KLHL1: variants seen among roughly 807,000 people sequenced by gnomAD.
KLHL1 encodes the protein kelch-like protein 1.
KLHL1 carries 47 observed loss-of-function variants against 77.7 expected under a neutral mutation model. That is an observed-to-expected ratio of 0.60 (90% confidence interval 0.48 to 0.77). KLHL1 has a LOEUF of 0.77. Ranked by LOEUF, KLHL1 falls within the 30% of genes least tolerant of loss-of-function variation. KLHL1 has a pLI of 0.00. For synonymous variants in KLHL1, 360 were observed against 325.2 expected (o/e 1.11, Z -1.15); for missense variants, 925 against 910.8 (o/e 1.02, Z -0.20).
At chr13:69,929,548 C>T (rs1191306849) in intron 4 of KLHL1, among the ~76,000 whole-genome samples, 1 of 151,728 alleles carries the variant, frequency 6.6e-6, no homozygotes, top group Non-Finnish European at 1.5e-5. Flanking sequence ...ACTTGGATTA[C>T]TTATGCCAAG....
chr13:69,873,716 C>A (rs1880666673), intron 5 of KLHL1, among the ~76,000 whole-genome samples: 1 of 152,104 alleles, frequency 6.6e-6, no homozygotes, highest in African/African-American at 2.4e-5. Context: ...ACCTATGTAA[C>A]AAACCTGCAC....
At chr13:70,039,461 T>C (rs760261678) in intron 1 of KLHL1, among the ~76,000 whole-genome samples, 1 of 152,098 alleles carries the variant, frequency 6.6e-6, no homozygotes, top group African/African-American at 2.4e-5. Flanking sequence ...GCATAAATAA[T>C]TTTTTGGCCA....
At chr13:69,926,180 C>T (rs1246516811) in intron 4 of KLHL1, among the ~76,000 whole-genome samples, 2 of 152,242 alleles carry the variant, frequency 1.3e-5, no homozygotes, top group East Asian at 3.9e-4. Flanking sequence ...CTCAAACATC[C>T]TGCAACATGT....
chr13:69,900,306 C>A (rs183477801), intron 4 of KLHL1, among the ~76,000 whole-genome samples: 25 of 152,254 alleles, frequency 1.6e-4, no homozygotes, highest in African/African-American at 5.3e-4. Flanking sequence ...CACCATATAG[C>A]TCATGAAACT....
intron 1 of KLHL1, among the ~76,000 whole-genome samples, chr13:70,073,885 G>C (rs1273971568): frequency 6.6e-6 from 1 of 151,864 alleles, no homozygotes; most frequent in East Asian, 1.9e-4. Context: ...GAGGGCAGTG[G>C]TGTGATCTTG....
intron 1 of KLHL1, among the ~76,000 whole-genome samples, chr13:70,054,352 T>A (rs1021009307): frequency 7.9e-5 from 12 of 152,126 alleles, no homozygotes; most frequent in Non-Finnish European, 1.8e-4. Flanking sequence ...GATACAAGTG[T>A]CCAGTATACA....
At chr13:70,018,397 C>T (rs1355673465) in intron 1 of KLHL1, among the ~76,000 whole-genome samples, 2 of 152,132 alleles carry the variant, frequency 1.3e-5, no homozygotes, top group African/African-American at 4.8e-5. Flanking sequence ...CCACCCTTGC[C>T]CTTAGAGTTA....
At chr13:69,737,207 C>T (rs1019932182) in intron 8 of KLHL1, among the ~76,000 whole-genome samples, 2 of 152,198 alleles carry the variant, frequency 1.3e-5, no homozygotes, top group Non-Finnish European at 2.9e-5. Context: ...CCTCATGAGC[C>T]CATACCACCA....
chr13:70,022,621 T>G (rs1443420040), intron 1 of KLHL1, among the ~76,000 whole-genome samples: 1 of 151,950 alleles, frequency 6.6e-6, no homozygotes, highest in Admixed American at 6.6e-5. Context: ...TACATGATTT[T>G]ATAGGTATAA....
chr13:70,103,970 T>C (rs190181130), intron 1 of KLHL1, among the ~76,000 whole-genome samples: 70 of 152,214 alleles, frequency 4.6e-4, no homozygotes, highest in African/African-American at 1.7e-3. Context: ...AACCATGGGA[T>C]AAAATGACTG....
chr13:69,722,921 T>A (rs74645440), intron 8 of KLHL1, among the ~76,000 whole-genome samples: 2,567 of 152,148 alleles, frequency 0.017, 72 homozygotes, highest in African/African-American at 0.058. Flanking sequence ...ATCAACTAAA[T>A]GCTCAACAAT....
intron 1 of KLHL1, among the ~76,000 whole-genome samples, chr13:69,996,356 T>G (rs1593660765): frequency 6.6e-6 from 1 of 151,954 alleles, no homozygotes; most frequent in Non-Finnish European, 1.5e-5. Flanking sequence ...AGAGTAGAGA[T>G]TCCATTATAT....
At chr13:69,821,843 C>G (rs1360448153) in intron 6 of KLHL1, among the ~76,000 whole-genome samples, 1 of 151,942 alleles carries the variant, frequency 6.6e-6, no homozygotes, top group Non-Finnish European at 1.5e-5. Flanking sequence ...GCTTATGGCC[C>G]CATTAATAGA....
chr13:69,794,576 G>A (rs761038685), intron 7 of KLHL1, among the ~76,000 whole-genome samples: 3 of 149,618 alleles, frequency 2.0e-5, no homozygotes, highest in Non-Finnish European at 4.5e-5. Context: ...AAAAAAAAGA[G>A]CTGGGGGAAG....
intron 4 of KLHL1, among the ~76,000 whole-genome samples, chr13:69,902,511 A>G (rs1168996263): frequency 1.3e-5 from 2 of 152,194 alleles, no homozygotes; most frequent in East Asian, 3.9e-4. Context: ...GAACTACAGT[A>G]CTGAAAGAGA....
In KLHL1 at chr13:69,979,087, A is replaced by T. The variant is rs1415517763; in HGVS notation, c.498-3285T>A. On this transcript the variant is annotated intron_variant, in intron 1 of 10. Transcript: ENST00000377844. ...TAGTTAAAATAATCTCAAATATAAT[A>T]CAGACTTGGACTTTTTCTGACAAAT... Among the ~76,000 whole-genome samples, 3 of 151,944 alleles carry T rather than the reference A, an allele frequency of 2.0e-5. No homozygotes were observed. In the South Asian group the frequency reaches 6.2e-4, roughly 31 times the overall value.
intron 1 of KLHL1, among the ~76,000 whole-genome samples, chr13:70,031,050 G>A (rs948293840): frequency 6.6e-6 from 1 of 152,146 alleles, no homozygotes; most frequent in African/African-American, 2.4e-5. Flanking sequence ...CCAGGAAGAA[G>A]TTGAATCCCT....
chr13:69,837,625 T>C (rs940196698), intron 6 of KLHL1, among the ~76,000 whole-genome samples: 2 of 139,396 alleles, frequency 1.4e-5, no homozygotes, highest in Admixed American at 7.1e-5. Context: ...TATATATATG[T>C]GTGTGTATAT....
At chr13:69,951,891 A>C (rs1883722329) in intron 3 of KLHL1, among the ~76,000 whole-genome samples, 1 of 151,480 alleles carries the variant, frequency 6.6e-6, no homozygotes, top group South Asian at 2.1e-4. Context: ...CAATAGTTAC[A>C]GAGTGCTGCC....
Sources: gnomAD v4.1 joint callset for allele counts (sites outside exome capture counted in the v4.1 genomes callset) on GRCh38, gnomAD v4.1.1 for gene constraint, MANE v1.5 for transcripts, NCBI Gene and HGNC (gene_info 2026-07-23, HGNC 2026-07-21) for gene names.